The following DCC variants were observed in gnomAD, a reference collection of about 807,000 sequenced individuals.
DCC encodes netrin receptor DCC.
In DCC, 58 loss-of-function variants were observed where a neutral mutation model predicts 172.5. The observed-to-expected ratio is 0.34, with a 90% CI of 0.27 to 0.42. The LOEUF (loss-of-function observed/expected upper bound fraction) is 0.42. Ranked by LOEUF, DCC falls within the 10% of genes least tolerant of loss-of-function variation. The probability of loss-of-function intolerance (pLI) is 1.00; values close to 1 mark genes in which losing one functional copy is unlikely to be tolerated. For missense variants in DCC, 1,740 were observed against 1,791.0 expected (o/e 0.97, Z 0.51); for synonymous variants, 709 against 644.5 (o/e 1.10, Z -1.52).
intron 8 of DCC, among the ~76,000 whole-genome samples, chr18:53,164,106 G>T (rs1054040353): frequency 2.0e-5 from 3 of 152,154 alleles, no homozygotes; most frequent in Admixed American, 6.5e-5. Context: ...ACCTGCAAGA[G>T]AACTAAATGT....
chr18:52,570,947 T>G (rs2033278044), intron 1 of DCC, among the ~76,000 whole-genome samples: 1 of 152,072 alleles, frequency 6.6e-6, no homozygotes, highest in African/African-American at 2.4e-5. Context: ...TGCTAAGAGG[T>G]TTTAGCTTAC....
chr18:53,287,441 A>G (rs1428906220), intron 12 of DCC, among the ~76,000 whole-genome samples: 1 of 152,200 alleles, frequency 6.6e-6, no homozygotes, highest in Non-Finnish European at 1.5e-5. Flanking sequence ...TAATGCTGCT[A>G]TGAACATTTG....
At chr18:52,579,697 G>T (rs2033499173) in intron 1 of DCC, among the ~76,000 whole-genome samples, 1 of 152,170 alleles carries the variant, frequency 6.6e-6, no homozygotes, top group South Asian at 2.1e-4. Context: ...CACTGCCTTT[G>T]TGTGTTAGTC....
chr18:52,935,631 A>G (rs948453746), intron 5 of DCC, among the ~76,000 whole-genome samples: 1 of 152,008 alleles, frequency 6.6e-6, no homozygotes, highest in Admixed American at 6.6e-5. Flanking sequence ...TTGAGCATGT[A>G]TTATTGGCCA....
intron 5 of DCC, among the ~76,000 whole-genome samples, chr18:53,004,963 C>G (rs1288299589): frequency 2.6e-5 from 4 of 152,162 alleles, no homozygotes; most frequent in Non-Finnish European, 5.9e-5. Flanking sequence ...GGGCTCTGCC[C>G]TAACGAATGA....
intron 1 of DCC, among the ~76,000 whole-genome samples, chr18:52,745,119 T>C (rs1028841967): frequency 6.6e-6 from 1 of 152,214 alleles, no homozygotes; most frequent in Non-Finnish European, 1.5e-5. Context: ...TAGTCCTCTT[T>C]CTTGATCCTT....
At chr18:53,476,755 C>T (rs1366600859) in intron 25 of DCC, among the ~76,000 whole-genome samples, 1 of 152,128 alleles carries the variant, frequency 6.6e-6, no homozygotes, top group Non-Finnish European at 1.5e-5. Context: ...AGGGCACATT[C>T]TCATAATGTG....
rs540122231 is a variant in DCC, at chr18:52,378,547, T to C, written c.91+37669T>C. On this transcript the variant is annotated intron_variant, in intron 1 of 28. Transcript: ENST00000442544. ...AAAACAGAATTATTTAAAATATATA[T>C]ACTTTTTTTGAGAGAGAGAGAGAAA... is the stretch of plus-strand genomic sequence containing the variant. 1.0e-3 allele frequency among the ~76,000 whole-genome samples: 155 copies of C among 152,070 alleles called. 1 individual carries two copies. Among genetic ancestry groups the C allele is most frequent in the Non-Finnish European group, 1.5e-3 (100 of 67,998 alleles).
chr18:53,017,117 C>G (rs1381906566), intron 5 of DCC, among the ~76,000 whole-genome samples: 1 of 149,214 alleles, frequency 6.7e-6, no homozygotes, highest in Non-Finnish European at 1.5e-5. Context: ...TCACTGTTAC[C>G]CAGGCTGGAG....
intron 5 of DCC, among the ~76,000 whole-genome samples, chr18:52,999,716 C>A (rs1302739769): frequency 6.6e-6 from 1 of 152,090 alleles, no homozygotes; most frequent in Non-Finnish European, 1.5e-5. Context: ...AGAGAGACTT[C>A]ATACACTGGA....
chr18:52,522,327 G>A (rs529035912), intron 1 of DCC, among the ~76,000 whole-genome samples: 4 of 152,122 alleles, frequency 2.6e-5, no homozygotes, highest in Non-Finnish European at 4.4e-5. Context: ...CATTCCCATC[G>A]TTAGACACAA....
chr18:53,388,137 G>A (rs535640388), intron 16 of DCC, among the ~76,000 whole-genome samples: 2 of 152,278 alleles, frequency 1.3e-5, no homozygotes, highest in Admixed American at 6.5e-5. Flanking sequence ...ACTAAAAGTT[G>A]GAATTTGTGT....
At chr18:52,806,565 G>T (rs2038088207) in intron 2 of DCC, among the ~76,000 whole-genome samples, 1 of 152,172 alleles carries the variant, frequency 6.6e-6, no homozygotes, top group Non-Finnish European at 1.5e-5. Context: ...TTCTCAGTCT[G>T]TAAGAGCCAG....
At chr18:53,421,536 A>G (rs180926064) in intron 21 of DCC, among the ~76,000 whole-genome samples, 32 of 152,328 alleles carry the variant, frequency 2.1e-4, no homozygotes, top group Admixed American at 2.0e-3. Context: ...TGCCCGCCCA[A>G]CAAGGAGGAA....
In DCC at chr18:52,752,291, C is replaced by T; in HGVS notation, c.329C>T (p.Pro110Leu). The T allele has an allele frequency of 6.2e-7, 1 of 1,614,078 alleles. No individual in the cohort carries two copies. The highest frequency in any genetic ancestry group is 8.5e-7 in the Non-Finnish European group (1 of 1,180,010). ...ATACTTCATTCCAGACACCACAAGC[C>T]AGATGAGGGACTTTACCAATGTGAG... ...QNILHSRHHK[P>L]DEGLYQCEAS... Residue 110 changes from proline (P) to leucine (L), a missense_variant, in exon 2 of 29, where the codon CCA becomes CTA. By Grantham distance (98) the Pro-to-Leu change is moderately conservative. This residue lies in a region of DCC where 1,732 missense variants were observed against 1,767.4 expected (regional missense o/e 0.98). Transcript: ENST00000442544.
intron 5 of DCC, among the ~76,000 whole-genome samples, chr18:52,955,206 C>T (rs140911404): frequency 6.2e-4 from 94 of 152,170 alleles, no homozygotes; most frequent in South Asian, 1.9e-3. Flanking sequence ...TTTGTGCTCT[C>T]CCTATTCATC....
intron 2 of DCC, among the ~76,000 whole-genome samples, chr18:52,885,917 C>G (rs1181996918): frequency 6.6e-6 from 1 of 151,942 alleles, no homozygotes; most frequent in Non-Finnish European, 1.5e-5. Flanking sequence ...GCAGCAGTTC[C>G]CTCTTGGACC....
intron 1 of DCC, among the ~76,000 whole-genome samples, chr18:52,583,258 G>T (rs566391260): frequency 2.0e-5 from 3 of 152,100 alleles, no homozygotes; most frequent in African/African-American, 4.8e-5. Context: ...TGATCAATGT[G>T]CAATAAAAAC....
chr18:52,720,426 G>A (rs754089029), intron 1 of DCC, among the ~76,000 whole-genome samples: 3 of 152,178 alleles, frequency 2.0e-5, no homozygotes, highest in Non-Finnish European at 2.9e-5. Context: ...TAACATGGCC[G>A]TGGTGTTAGC....
Sources: gnomAD v4.1 joint callset for allele counts (sites outside exome capture counted in the v4.1 genomes callset) on GRCh38, gnomAD v4.1.1 for gene constraint, gnomAD v4.1.1 regional missense constraint, MANE v1.5 for transcripts, NCBI Gene and HGNC (gene_info 2026-07-23, HGNC 2026-07-21) for gene names.